SCUBE3: variants seen among roughly 807,000 people sequenced by gnomAD.
The protein encoded by SCUBE3 is signal peptide, CUB domain and EGF like domain containing 3.
In SCUBE3, 33 loss-of-function variants were observed where a neutral mutation model predicts 116.8. The observed-to-expected ratio is 0.28, with a 90% CI of 0.21 to 0.38. SCUBE3 has a LOEUF of 0.38. SCUBE3 is among the 10% of genes least tolerant of loss of function. The pLI is 1.00. For missense variants in SCUBE3, 1,007 were observed against 1,324.8 expected, an observed-to-expected ratio of 0.76 and a Z score of 3.72; for synonymous variants, 418 against 496.9, an observed-to-expected ratio of 0.84 and a Z score of 2.11.
Position 35,241,458 on chromosome 6 carries a change from G to A in SCUBE3, c.1196-85G>A. 2.6e-6 allele frequency: 3 copies of A among 1,149,268 alleles called. No homozygotes were observed. The South Asian group carries it at 3.8e-5, about 14-fold the overall frequency. The allele number at this position is 1,149,268 out of a possible 1,614,324, so 71.2% of individuals were successfully genotyped here. On this transcript the variant is annotated intron_variant, in intron 10 of 21. Transcript: ENST00000274938. This position sits in a 1 kb window ranked among gnomAD's most constrained non-coding sequence, Gnocchi z 4.1. ...ATCAGTCTCCATGGGTACAACAATA[G>A]TTATGCAAGTAGCTGATTCCTCCAA...
intron 13 of SCUBE3, 133 bp from the exon 14 acceptor site, chr6:35,242,489 C>T (rs1002765979): frequency 1.0e-6 from 1 of 954,124 alleles, no homozygotes; most frequent in Non-Finnish European, 1.6e-6. Flanking sequence ...TTCCCCTCCA[C>T]CAACTAATTA....
chr6:35,237,215 A>G (rs1354752284), intron 6 of SCUBE3, among the ~76,000 whole-genome samples: 1 of 152,174 alleles, frequency 6.6e-6, no homozygotes, highest in Non-Finnish European at 1.5e-5. Flanking sequence ...TTAGCAGAGT[A>G]AAACAACAAA....
intron 6 of SCUBE3, among the ~76,000 whole-genome samples, chr6:35,236,601 GAGGGACC>G (rs1783784601): frequency 6.6e-6 from 1 of 152,220 alleles, no homozygotes; most frequent in African/African-American, 2.4e-5. Context: ...ATGGGCATTT[GAGGGACC>G]AGGGCATGGC....
chr6:35,235,571 T>A lies in SCUBE3; in HGVS notation c.712+2270T>A. 1.2e-6 allele frequency: 1 copy of A among 806,696 alleles called. No homozygotes were observed. The highest frequency in any genetic ancestry group is 1.8e-6 in the Non-Finnish European group (1 of 548,938). The allele number at this position is 806,696 out of a possible 1,614,324, so 50.0% of individuals were successfully genotyped here. On this transcript the variant is annotated intron_variant, in intron 6 of 21. Coordinates refer to ENST00000274938, the MANE Select transcript of SCUBE3 (RefSeq NM_152753.4). This position sits in a 1 kb window ranked among gnomAD's most constrained non-coding sequence, Gnocchi z 4.5. ...CTAACCCGCTGGGGCTCCCACTAAC[T>A]GCATGCCCACTGGGCCCAGCCTGAC...
chr6:35,231,024 CCCCA>C lies in SCUBE3; in HGVS notation c.335-698_335-695del, dbSNP rs2150297076. ...GCCTACTGTTCTCCCTGCCCCCCACCCCCACCATCTAGGGTGTGGCCTGGCAGCT... is the reference window on the plus strand; with the variant it reads ...GCCTACTGTTCTCCCTGCCCCCCACCCCATCTAGGGTGTGGCCTGGCAGCT... On this transcript the variant is annotated intron_variant, in intron 3 of 21. Transcript: ENST00000274938. This position sits in a 1 kb window ranked among gnomAD's most constrained non-coding sequence, Gnocchi z 4.2. Among the ~76,000 whole-genome samples, 1 of 152,202 alleles carries C rather than the reference CCCCA, an allele frequency of 6.6e-6. No individual in the cohort carries two copies. Among genetic ancestry groups the C allele is most frequent in the Non-Finnish European group, 1.5e-5 (1 of 67,986 alleles).
chr6:35,217,540 G>A (rs1328537294), intron 1 of SCUBE3, among the ~76,000 whole-genome samples: 2 of 150,718 alleles, frequency 1.3e-5, no homozygotes, highest in African/African-American at 4.9e-5. Context: ...TGTCTCTCCG[G>A]GTCTCTGTCT....
intron 3 of SCUBE3, among the ~76,000 whole-genome samples, chr6:35,230,067 A>G (rs1340879759): frequency 6.6e-6 from 1 of 151,908 alleles, no homozygotes; most frequent in Non-Finnish European, 1.5e-5. Context: ...TCTACACCCA[A>G]CCCTGGCCTC....
chr6:35,242,411 C>T (rs897975977), intron 13 of SCUBE3, 91 bp downstream of exon 13: 8 of 1,037,768 alleles, frequency 7.7e-6, no homozygotes, highest in Admixed American at 1.8e-5. Flanking sequence ...CCCACCAGAA[C>T]CCTGAACTCT....
Position 35,245,131 on chromosome 6 carries a change from G to T in SCUBE3, c.2402-97G>T, listed in dbSNP as rs754265061. The T allele has an allele frequency of 7.7e-5, 85 of 1,104,320 alleles. No homozygotes were observed. Among genetic ancestry groups the T allele is most frequent in the Non-Finnish European group, 1.1e-4 (79 of 733,256 alleles). The allele number at this position is 1,104,320 out of a possible 1,614,324, so 68.4% of individuals were successfully genotyped here. A position where few individuals can be genotyped will look rare whatever the true frequency, so the allele number is the denominator to read the frequency against. On this transcript the variant is annotated intron_variant, in intron 18 of 21. Coordinates refer to ENST00000274938, the MANE Select transcript of SCUBE3 (RefSeq NM_152753.4). This position sits in a 1 kb window ranked among gnomAD's most constrained non-coding sequence, Gnocchi z 4.2. ...ACTAGAACGCAGACTTCCCATAAAT[G>T]TCTGACCTCTACTTCAGAACTCTTC... is the stretch of plus-strand genomic sequence containing the variant.
chr6:35,216,744 G>T (rs189455887), intron 1 of SCUBE3, among the ~76,000 whole-genome samples: 1 of 152,308 alleles, frequency 6.6e-6, no homozygotes, highest in East Asian at 1.9e-4. Context: ...GCACTAGCAG[G>T]TCTTTAAAAT....
intron 1 of SCUBE3, chr6:35,218,086 T>G (rs1581906448): frequency 2.1e-6 from 2 of 975,194 alleles, no homozygotes; most frequent in South Asian, 4.7e-5. Context: ...AAGACAGTCA[T>G]CAGCAGCCCT....
rs988817982 is a variant in SCUBE3, at chr6:35,244,552, C to T, written c.2240-98C>T. ...AGAAAAGAACTTTGATGTATCTGAT[C>T]TCCTGATTCTCCAGGATGAATGTAT... On this transcript the variant is annotated intron_variant, in intron 17 of 21. Coordinates refer to ENST00000274938, the MANE Select transcript of SCUBE3 (RefSeq NM_152753.4). This position sits in a 1 kb window ranked among gnomAD's most constrained non-coding sequence, Gnocchi z 4.3. The T allele has an allele frequency of 8.4e-6, 8 of 950,502 alleles. No homozygotes were observed. The East Asian group carries it at 1.7e-4, about 20-fold the overall frequency. The allele number at this position is 950,502 out of a possible 1,614,324, so 58.9% of individuals were successfully genotyped here. A position where few individuals can be genotyped will look rare whatever the true frequency, so the allele number is the denominator to read the frequency against.
intron 6 of SCUBE3, among the ~76,000 whole-genome samples, chr6:35,236,093 T>C (rs1037367926): frequency 3.3e-5 from 5 of 152,202 alleles, no homozygotes; most frequent in Admixed American, 2.0e-4. Context: ...AGTTTACTTT[T>C]CTATAAAATA....
In SCUBE3 at chr6:35,242,314, G is replaced by T; in HGVS notation, c.1528G>T (p.Gly510Trp). Residue 510 changes from glycine (G) to tryptophan (W), a missense_variant, in exon 13 of 22, where the codon GGG (glycine) becomes TGG (tryptophan). Transcript: ENST00000274938. ...AACAGAGGAGGCTGGCAGAATCACA[G>T]GGCCAGGTTTGGACTGGGGACCCCA... The part of the protein sequence containing the change: ...GKTEEAGRIT[G>W]PGGAPCSECQ... 1 of 1,610,486 alleles carries T rather than the reference G, an allele frequency of 6.2e-7. No homozygotes were observed. Among genetic ancestry groups the T allele is most frequent in the South Asian group, 1.1e-5 (1 of 91,008 alleles).
At position 35,243,892 on chromosome 6, in the gene SCUBE3, T is replaced by G; in HGVS notation, c.2072-71T>G. On this transcript the variant is annotated intron_variant, in intron 16 of 21. Transcript: ENST00000274938. The surrounding 1 kb of genome is among the most constrained non-coding windows in gnomAD (Gnocchi z 6.6). ...ATCCTGTTTGTATACCTTTGTCCCC[T>G]GAGATCGGGTGACCCCATGGGGATG... 1 of 1,522,572 alleles carries G rather than the reference T, an allele frequency of 6.6e-7. No individual in the cohort carries two copies. Among genetic ancestry groups the G allele is most frequent in the Non-Finnish European group, 8.9e-7 (1 of 1,128,208 alleles). 94.3% of individuals were successfully genotyped at this position (1,522,572 alleles called of 1,614,324 possible).
Position 35,241,704 on chromosome 6 carries a change from G to A in SCUBE3, c.1312+45G>A. The A allele has an allele frequency of 6.5e-7, 1 of 1,533,078 alleles. No individual in the cohort carries two copies. Among genetic ancestry groups the A allele is most frequent in the South Asian group, 1.1e-5 (1 of 89,476 alleles). 95.0% of individuals were successfully genotyped at this position (1,533,078 alleles called of 1,614,324 possible). ...TGGAGAGCTTTGGAGGAGAAAAGAG[G>A]AAGGACTGGCCGTTCAGGCAGCTCC... is the stretch of plus-strand genomic sequence containing the variant. On this transcript the variant is annotated intron_variant, in intron 11 of 21. Transcript: ENST00000274938. This position sits in a 1 kb window ranked among gnomAD's most constrained non-coding sequence, Gnocchi z 4.1.
intron 1 of SCUBE3, among the ~76,000 whole-genome samples, chr6:35,227,175 C>T (rs1783361478): frequency 6.6e-6 from 1 of 152,210 alleles, no homozygotes; most frequent in Non-Finnish European, 1.5e-5. Flanking sequence ...CTGCCACCTT[C>T]CCAGAGACCA....
intron 1 of SCUBE3, chr6:35,217,991 C>G: frequency 4.0e-6 from 1 of 249,560 alleles, no homozygotes; most frequent in Non-Finnish European, 6.4e-6. Flanking sequence ...CCCCTTCCTT[C>G]TCATCTCTTT....
At chr6:35,248,041 G>C (rs1479657631) in intron 21 of SCUBE3, among the ~76,000 whole-genome samples, 2 of 152,224 alleles carry the variant, frequency 1.3e-5, no homozygotes, top group African/African-American at 2.4e-5. Flanking sequence ...TGGAAAGCAA[G>C]ATACAGATCA....
Sources: gnomAD v4.1 joint callset for allele counts (sites outside exome capture counted in the v4.1 genomes callset) on GRCh38, gnomAD v4.1.1 for gene constraint, Gnocchi (gnomAD v3.1) non-coding constraint, MANE v1.5 for transcripts, NCBI Gene and HGNC (gene_info 2026-07-23, HGNC 2026-07-21) for gene names.